The following CP variants were observed in gnomAD, a reference collection of about 807,000 sequenced individuals.
CP encodes the protein ceruloplasmin, also known as caeruloplasmin.
In CP, 64 loss-of-function variants were observed where a neutral mutation model predicts 122.4. The ratio of observed to expected loss-of-function variants is 0.52; its 90% CI spans 0.43 to 0.64. The LOEUF (loss-of-function observed/expected upper bound fraction) is 0.64, where lower values mean the gene tolerates loss of function less well. CP is among the 30% of genes least tolerant of loss of function. The pLI is 0.00. For synonymous variants in CP, 440 were observed against 436.4 expected, an observed-to-expected ratio of 1.01 and a Z score of -0.10; for missense variants, 1,167 against 1,284.4, an observed-to-expected ratio of 0.91 and a Z score of 1.40.
chr3:149,207,322 C>T, intron 5 of CP, 41 bp downstream of exon 5: 1 of 1,613,388 alleles, frequency 6.2e-7, no homozygotes, highest in African/African-American at 1.3e-5. Context: ...CAGTAACCAC[C>T]TTTTTCAGCT....
At chr3:149,183,203 G>A (rs948035962) in intron 13 of CP, among the ~76,000 whole-genome samples, 1 of 151,914 alleles carries the variant, frequency 6.6e-6, no homozygotes, top group Non-Finnish European at 1.5e-5. Context: ...AAAACTACAG[G>A]CATCAATTTG....
chr3:149,179,138 C>A (rs962862184), intron 15 of CP, among the ~76,000 whole-genome samples: 5 of 152,222 alleles, frequency 3.3e-5, no homozygotes, highest in African/African-American at 7.2e-5. Flanking sequence ...GACTCCATTT[C>A]TTTTCTCCCT....
intron 10 of CP, 62 bp from the exon 11 acceptor site, chr3:149,186,794 C>T: frequency 6.7e-7 from 1 of 1,486,752 alleles, no homozygotes. Flanking sequence ...GACAACCTCA[C>T]AGACTTTCCA....
intron 5 of CP, among the ~76,000 whole-genome samples, chr3:149,165,377 A>G (rs1170691400): frequency 2.6e-5 from 4 of 152,248 alleles, no homozygotes; most frequent in African/African-American, 9.6e-5. Context: ...TTGTTTTAAA[A>G]TATTTTAAAA....
In CP at chr3:149,202,230, A is replaced by G; in HGVS notation, c.1220T>C (p.Val407Ala). Residue 407 changes from valine to alanine, a missense_variant, in exon 7 of 19, where the codon GTG becomes GCG. By Grantham distance (64) the Val-to-Ala change is moderately conservative. Around this residue, in one of 2 missense-constraint regions of CP, gnomAD observed 642 missense variants for 627.3 expected, o/e 1.02. Transcript: ENST00000264613. ...NLTAPGSDSAVFFEQGTTRIG... is the reference protein window; with the variant it reads ...NLTAPGSDSAAFFEQGTTRIG... ...TCTTGTGGTACCTTGTTCAAAAAAC[A>G]CCGCTGAGTCACTGCAGGGGGAAAA... The G allele has an allele frequency of 2.5e-6, 4 of 1,614,166 alleles. No individual in the cohort carries two copies. The highest frequency in any genetic ancestry group is 3.4e-6 in the Non-Finnish European group (4 of 1,180,006).
chr3:149,179,614 C>T lies in CP; in HGVS notation c.2603G>A (p.Gly868Glu). 2 of 1,613,522 alleles carry T rather than the reference C, an allele frequency of 1.2e-6. No individual in the cohort carries two copies. Among genetic ancestry groups the T allele is most frequent in the South Asian group, 2.2e-5 (2 of 91,050 alleles). ...VWKIPERSGA[G>E]TEDSACIPWA... ...TGGAATACAAGCAGAATCCTCTGTT[C>T]CAGCTCCAGATCTTTCTGGGATTTT... Residue 868 changes from glycine (G) to glutamate (E), a missense_variant, in exon 15 of 19, where the codon GGA becomes GAA. Transcript: ENST00000264613.
intron 1 of CP, among the ~76,000 whole-genome samples, chr3:149,218,230 C>T (rs1728589103): frequency 6.6e-6 from 1 of 152,092 alleles, no homozygotes; most frequent in Non-Finnish European, 1.5e-5. Context: ...AAATAATTAA[C>T]TAATGCCTAC....
chr3:149,184,788 A>G (rs1466064283), intron 12 of CP, among the ~76,000 whole-genome samples: 1 of 152,218 alleles, frequency 6.6e-6, no homozygotes, highest in African/African-American at 2.4e-5. Flanking sequence ...ATCATCTTCA[A>G]GCATTTAAAA....
chr3:149,188,044 G>A lies in CP; in HGVS notation c.1864+8C>T, dbSNP rs1349074566. 5 of 1,611,364 alleles carry A rather than the reference G, an allele frequency of 3.1e-6. No individual in the cohort carries two copies. The highest frequency in any genetic ancestry group is 3.4e-6 in the Non-Finnish European group (4 of 1,179,654). On this transcript the variant is annotated splice_region_variant and intron_variant, in intron 10 of 18. Transcript: ENST00000264613. ...ACTTGGTAGATTGGTGGATGATGCAGTACTTACAGTGCATTTTATTAGATT... is the reference window on the plus strand; with the variant it reads ...ACTTGGTAGATTGGTGGATGATGCAATACTTACAGTGCATTTTATTAGATT...
At chr3:149,182,249 T>G in intron 13 of CP, 116 bp from the exon 14 acceptor site, 1 of 1,144,680 alleles carries the variant, frequency 8.7e-7, no homozygotes, top group Non-Finnish European at 1.3e-6. Context: ...ATAATACTCT[T>G]GGATTTATAC....
At chr3:149,186,138 C>T (rs1206890035) in intron 11 of CP, 5 of 289,634 alleles carry the variant, frequency 1.7e-5, no homozygotes, top group Non-Finnish European at 2.7e-5. Flanking sequence ...ACCAACAAGC[C>T]AACACTACAT....
At chr3:149,202,033 T>C (rs1472875526) in intron 7 of CP, 69 bp downstream of exon 7, 18 of 1,597,046 alleles carry the variant, frequency 1.1e-5, no homozygotes, top group Non-Finnish European at 1.5e-5. Flanking sequence ...CTGAAGTTAC[T>C]ATTCTTTCTG....
chr3:149,196,079 G>T (rs1726881856), intron 9 of CP, among the ~76,000 whole-genome samples: 1 of 152,116 alleles, frequency 6.6e-6, no homozygotes, highest in African/African-American at 2.4e-5. Flanking sequence ...AAAATCTCTA[G>T]TGGGATCTAC....
intron 9 of CP, among the ~76,000 whole-genome samples, chr3:149,192,634 T>C (rs1726612792): frequency 6.6e-6 from 1 of 151,654 alleles, no homozygotes; most frequent in Non-Finnish European, 1.5e-5. Flanking sequence ...GAAAAAGACC[T>C]GCATTATACA....
intron 9 of CP, among the ~76,000 whole-genome samples, chr3:149,195,852 C>T (rs1208620820): frequency 2.9e-5 from 4 of 137,894 alleles, no homozygotes; most frequent in Non-Finnish European, 4.6e-5. Context: ...GTTGACAGAG[C>T]GAGACACCGT....
intron 9 of CP, among the ~76,000 whole-genome samples, chr3:149,194,224 AT>A (rs1403678391): frequency 6.2e-5 from 9 of 145,582 alleles, no homozygotes; most frequent in African/African-American, 1.1e-4. Context: ...CATATTTAAA[AT>A]TTTTTATTTT....
chr3:149,202,248 G>T lies in CP; in HGVS notation c.1209-7C>A, dbSNP rs1380200817. On this transcript the variant is annotated splice_region_variant and splice_polypyrimidine_tract_variant and intron_variant, in intron 6 of 18. Transcript: ENST00000264613. ...AAAAAACACCGCTGAGTCACTGCAG[G>T]GGGAAAAAAGTGTTTAATGCTGGGG... is the stretch of plus-strand genomic sequence containing the variant. 4.3e-6 allele frequency: 7 copies of T among 1,614,042 alleles called. No homozygotes were observed. Among genetic ancestry groups the T allele is most frequent in the Non-Finnish European group, 5.9e-6 (7 of 1,179,996 alleles).
intron 8 of CP, among the ~76,000 whole-genome samples, chr3:149,199,413 T>TTAAAGTTTTTTTAA (rs1727144142): frequency 6.6e-6 from 1 of 152,192 alleles, no homozygotes; most frequent in Non-Finnish European, 1.5e-5. Context: ...AACATTCTTA[T>TTAAAGTTTTTTTAA]AAGAACTTTT....
intron 7 of CP, among the ~76,000 whole-genome samples, chr3:149,201,002 G>A (rs987589520): frequency 1.3e-5 from 2 of 152,178 alleles, no homozygotes; most frequent in Admixed American, 1.3e-4. Context: ...CTCACCCACT[G>A]TTATTCTGCC....
Sources: allele counts gnomAD v4.1 joint callset (sites outside exome capture counted in the v4.1 genomes callset), GRCh38; gene constraint gnomAD v4.1.1; regional missense constraint gnomAD v4.1.1; transcripts MANE v1.5; gene names NCBI Gene and HGNC (gene_info 2026-07-23, HGNC 2026-07-21).